MGAT4C: variants seen among roughly 807,000 people sequenced by gnomAD.
MGAT4C encodes the protein MGAT4 family member C.
Under a neutral mutation model 40.1 loss-of-function variants are expected in MGAT4C, and 19 were observed. The ratio of observed to expected loss-of-function variants is 0.47; its 90% CI spans 0.33 to 0.70. The LOEUF (loss-of-function observed/expected upper bound fraction) is 0.70, where lower values mean the gene tolerates loss of function less well. Ranked by LOEUF, MGAT4C falls within the 30% of genes least tolerant of loss-of-function variation. The pLI is 0.02. For synonymous variants in MGAT4C, 181 were observed against 187.1 expected, an observed-to-expected ratio of 0.97 and a Z score of 0.27; for missense variants, 491 against 563.2, an observed-to-expected ratio of 0.87 and a Z score of 1.30.
chr12:86,508,057 TTTTA>T (rs927424705), intron 2 of MGAT4C, among the ~76,000 whole-genome samples: 2 of 152,088 alleles, frequency 1.3e-5, no homozygotes, highest in African/African-American at 4.8e-5. Flanking sequence ...TTTAATATTT[TTTTA>T]TTTATTATTA....
At chr12:86,342,956 C>T (rs1200843824) in intron 3 of MGAT4C, among the ~76,000 whole-genome samples, 1 of 151,914 alleles carries the variant, frequency 6.6e-6, no homozygotes, top group East Asian at 1.9e-4. Flanking sequence ...ACTGTCTTTA[C>T]TAGATAGGGT....
chr12:86,031,496 A>C (rs1281528886), intron 2 of MGAT4C, among the ~76,000 whole-genome samples: 1 of 151,886 alleles, frequency 6.6e-6, no homozygotes, highest in Non-Finnish European at 1.5e-5. Context: ...GATTATGAAT[A>C]TGTATGAATA....
At chr12:86,004,201 A>T (rs900473082) in intron 2 of MGAT4C, among the ~76,000 whole-genome samples, 1 of 152,194 alleles carries the variant, frequency 6.6e-6, no homozygotes, top group African/African-American at 2.4e-5. Flanking sequence ...ATGAAAAGAC[A>T]CTTTCAAATA....
chr12:86,054,486 A>G (rs1200329780), intron 1 of MGAT4C, among the ~76,000 whole-genome samples: 2 of 152,044 alleles, frequency 1.3e-5, no homozygotes, highest in African/African-American at 4.8e-5. Flanking sequence ...GATAGGTGAA[A>G]TAAGTTCAAG....
chr12:86,452,156 T>C (rs1001030660), intron 2 of MGAT4C, among the ~76,000 whole-genome samples: 1 of 152,032 alleles, frequency 6.6e-6, no homozygotes, highest in Non-Finnish European at 1.5e-5. Flanking sequence ...GCATCCCCAC[T>C]GAAAGTGTGC....
rs183347243 is a variant in MGAT4C at position 86,526,612 on chromosome 12, A to T, written c.-228-91347T>A. ...CTGGAGCCCCAGGAGAGGTGTGCAG[A>T]TCAAGGACCACTCAGGCTAACTGAC... On this transcript the variant is annotated intron_variant, in intron 2 of 7. Coordinates refer to the MGAT4C transcript ENST00000548651. Among the ~76,000 whole-genome samples the T allele has an allele frequency of 4.1e-4, 62 of 152,234 alleles. No homozygotes were observed. In the East Asian group the frequency reaches 0.011, roughly 28 times the overall value.
At chr12:86,316,637 G>A (rs1272620527) in intron 4 of MGAT4C, among the ~76,000 whole-genome samples, 3 of 151,990 alleles carry the variant, frequency 2.0e-5, no homozygotes, top group African/African-American at 4.8e-5. Flanking sequence ...AAAAAAACAA[G>A]TTATAAGTGA....
intron 4 of MGAT4C, among the ~76,000 whole-genome samples, chr12:86,298,189 T>G (rs991773848): frequency 6.6e-6 from 1 of 152,110 alleles, no homozygotes. Flanking sequence ...TGATTTCTAT[T>G]CAATGAAGTA....
At chr12:86,489,570 T>C (rs1214277172) in intron 2 of MGAT4C, among the ~76,000 whole-genome samples, 1 of 152,200 alleles carries the variant, frequency 6.6e-6, no homozygotes, top group Non-Finnish European at 1.5e-5. Flanking sequence ...ACATGCCCTC[T>C]GGGGCATTGG....
chr12:86,316,529 G>A (rs553950424), intron 4 of MGAT4C, among the ~76,000 whole-genome samples: 2 of 152,258 alleles, frequency 1.3e-5, no homozygotes, highest in East Asian at 1.9e-4. Context: ...GGGACACTAG[G>A]CAGCCATAGG....
intron 1 of MGAT4C, among the ~76,000 whole-genome samples, chr12:86,153,865 C>A (rs1884597579): frequency 6.6e-6 from 1 of 152,182 alleles, no homozygotes; most frequent in Non-Finnish European, 1.5e-5. Flanking sequence ...TATTTCTTTA[C>A]AGCAGTGTGA....
At chr12:86,214,857 T>C (rs1950606435) in intron 1 of MGAT4C, among the ~76,000 whole-genome samples, 1 of 152,204 alleles carries the variant, frequency 6.6e-6, no homozygotes, top group Non-Finnish European at 1.5e-5. Flanking sequence ...ATAACAAACA[T>C]ACGCAATGGA....
At chr12:86,510,513 G>A (rs530177625) in intron 2 of MGAT4C, among the ~76,000 whole-genome samples, 2 of 152,164 alleles carry the variant, frequency 1.3e-5, no homozygotes, top group East Asian at 1.9e-4. Flanking sequence ...ATGTAAATGG[G>A]CTAAATGCTC....
chr12:86,570,463 G>A (rs372692717), intron 2 of MGAT4C, among the ~76,000 whole-genome samples: 2 of 152,028 alleles, frequency 1.3e-5, no homozygotes, highest in African/African-American at 2.4e-5. Flanking sequence ...CATGGACCCC[G>A]ACTCCTCACC....
chr12:86,158,051 T>A lies in MGAT4C; in HGVS notation c.-57+98188A>T, dbSNP rs369450469. ...AATCATATTGCCCAAATGAAAGTTT[T>A]AAAATATAATACCAATTATATTGAA... On this transcript the variant is annotated intron_variant, in intron 1 of 4. Transcript: ENST00000611864. Among the ~76,000 whole-genome samples the A allele has an allele frequency of 6.1e-4, 93 of 152,324 alleles. No individual in the cohort carries two copies. In the East Asian group the frequency reaches 0.012, roughly 20 times the overall value.
At chr12:86,274,655 T>C (rs951551557) in intron 4 of MGAT4C, among the ~76,000 whole-genome samples, 2 of 152,182 alleles carry the variant, frequency 1.3e-5, no homozygotes, top group Non-Finnish European at 2.9e-5. Flanking sequence ...TAAGTTTTCA[T>C]GGGCTATATG....
chr12:86,527,084 G>T (rs1958898128), intron 2 of MGAT4C, among the ~76,000 whole-genome samples: 1 of 152,078 alleles, frequency 6.6e-6, no homozygotes, highest in Non-Finnish European at 1.5e-5. Flanking sequence ...TGTTATGAGT[G>T]CACAAGTCAT....
intron 1 of MGAT4C, among the ~76,000 whole-genome samples, chr12:86,232,229 T>A: frequency 6.6e-6 from 1 of 152,206 alleles, no homozygotes; most frequent in Admixed American, 6.5e-5. Flanking sequence ...TTTGATTATT[T>A]ATGTGTATGG....
chr12:86,660,844 A>G (rs1250878748), intron 2 of MGAT4C, among the ~76,000 whole-genome samples: 3 of 152,190 alleles, frequency 2.0e-5, no homozygotes, highest in African/African-American at 7.2e-5. Flanking sequence ...AAACCATAAC[A>G]TGCATGCCTT....
Sources: gnomAD v4.1 joint callset for allele counts (sites outside exome capture counted in the v4.1 genomes callset) on GRCh38, gnomAD v4.1.1 for gene constraint, MANE v1.5 for transcripts, NCBI Gene and HGNC (gene_info 2026-07-23, HGNC 2026-07-21) for gene names.